Variants in CDH12 observed in about 807,000 individuals in gnomAD.
The protein encoded by CDH12 is cadherin-12.
CDH12 carries 41 observed loss-of-function variants against 74.1 expected under a neutral mutation model. That is an observed-to-expected ratio of 0.55 (90% CI 0.43 to 0.72). CDH12 has a LOEUF of 0.72. CDH12 is among the 30% of genes least tolerant of loss of function. The probability of loss-of-function intolerance (pLI) is 0.00; values close to 1 mark genes in which losing one functional copy is unlikely to be tolerated. For missense variants in CDH12, 945 were observed against 977.2 expected (o/e 0.97, Z 0.44); for synonymous variants, 399 against 355.0 (o/e 1.12, Z -1.39).
At chr5:22,377,092 A>C (rs1741561451) in intron 3 of CDH12, among the ~76,000 whole-genome samples, 1 of 152,082 alleles carries the variant, frequency 6.6e-6, no homozygotes, top group South Asian at 2.1e-4. Flanking sequence ...CTCCATGCTG[A>C]ATCATAGATA....
chr5:21,905,745 A>G (rs1200164551), intron 6 of CDH12, among the ~76,000 whole-genome samples: 1 of 64,104 alleles, frequency 1.6e-5, no homozygotes, highest in Non-Finnish European at 5.7e-5. Context: ...CTCATCAATT[A>G]CTATGTTTAA....
intron 8 of CDH12, among the ~76,000 whole-genome samples, chr5:21,823,768 A>G (rs555088478): frequency 6.6e-6 from 1 of 152,238 alleles, no homozygotes; most frequent in Admixed American, 6.5e-5. Flanking sequence ...AAAAAGAAAA[A>G]AAAATGATGT....
At chr5:22,308,301 G>A (rs972811772) in intron 3 of CDH12, among the ~76,000 whole-genome samples, 19 of 152,146 alleles carry the variant, frequency 1.2e-4, no homozygotes, top group African/African-American at 4.3e-4. Flanking sequence ...TCCATGAAGA[G>A]TATTACAGTA....
chr5:22,201,045 A>T (rs981769372), intron 4 of CDH12, among the ~76,000 whole-genome samples: 1 of 152,204 alleles, frequency 6.6e-6, no homozygotes, highest in Non-Finnish European at 1.5e-5. Context: ...AGGACAATAG[A>T]TCTAGTCAGA....
At chr5:22,253,088 G>A (rs1327111748) in intron 3 of CDH12, among the ~76,000 whole-genome samples, 3 of 151,672 alleles carry the variant, frequency 2.0e-5, no homozygotes, top group Non-Finnish European at 4.4e-5. Flanking sequence ...TGACCATACA[G>A]GAAATCTTTA....
chr5:21,815,849 G>A (rs905219195), intron 9 of CDH12, among the ~76,000 whole-genome samples: 1 of 152,066 alleles, frequency 6.6e-6, no homozygotes, highest in African/African-American at 2.4e-5. Context: ...TGGGGTTAGA[G>A]TTACTTCTCA....
intron 3 of CDH12, among the ~76,000 whole-genome samples, chr5:22,357,063 A>C (rs879869628): frequency 2.6e-5 from 4 of 152,104 alleles, no homozygotes; most frequent in Admixed American, 2.0e-4. Context: ...ATCTAGCTAG[A>C]TAGAGAGATA....
At chr5:22,366,844 T>C (rs1741054067) in intron 3 of CDH12, among the ~76,000 whole-genome samples, 1 of 152,198 alleles carries the variant, frequency 6.6e-6, no homozygotes, top group African/African-American at 2.4e-5. Context: ...ATCAGCCCTG[T>C]ACTGAGTATA....
intron 5 of CDH12, among the ~76,000 whole-genome samples, chr5:22,038,066 C>T (rs1257637141): frequency 5.3e-5 from 8 of 152,194 alleles, no homozygotes; most frequent in Admixed American, 5.2e-4. Context: ...GTCCATACCA[C>T]TGTGTTCCTC....
intron 6 of CDH12, among the ~76,000 whole-genome samples, chr5:21,868,845 G>C (rs1751469782): frequency 6.6e-6 from 1 of 151,982 alleles, no homozygotes; most frequent in Admixed American, 6.6e-5. Context: ...AAGACTTTAG[G>C]GGCTACTGGC....
intron 1 of CDH12, among the ~76,000 whole-genome samples, chr5:22,823,442 C>G (rs1749831435): frequency 6.6e-6 from 1 of 152,040 alleles, no homozygotes. Context: ...CCTGCTGCCA[C>G]TCATGTAAGA....
At chr5:22,341,743 C>T (rs1334672888) in intron 3 of CDH12, among the ~76,000 whole-genome samples, 1 of 152,188 alleles carries the variant, frequency 6.6e-6, no homozygotes, top group Non-Finnish European at 1.5e-5. Flanking sequence ...TGTATAAGAT[C>T]ATTTCACTGT....
chr5:22,385,451 C>T (rs1045181049), intron 3 of CDH12, among the ~76,000 whole-genome samples: 12 of 152,124 alleles, frequency 7.9e-5, no homozygotes, highest in African/African-American at 1.9e-4. Flanking sequence ...GGAAAACTTC[C>T]TAGAAAACTT....
chr5:21,937,864 A>G (rs995307249), intron 6 of CDH12, among the ~76,000 whole-genome samples: 3 of 152,138 alleles, frequency 2.0e-5, no homozygotes, highest in East Asian at 3.9e-4. Flanking sequence ...GACCTTCCCC[A>G]AGCATGTTTG....
chr5:21,753,092 C>T (rs759649416), intron 14 of CDH12, among the ~76,000 whole-genome samples: 4 of 152,130 alleles, frequency 2.6e-5, no homozygotes, highest in African/African-American at 4.8e-5. Flanking sequence ...ATACAAATGA[C>T]GACGTCAGTG....
At chr5:22,532,350 G>GGTATATATATATATAT (rs1737621291) in intron 1 of CDH12, among the ~76,000 whole-genome samples, 1 of 27,576 alleles carries the variant, frequency 3.6e-5, no homozygotes, top group African/African-American at 1.5e-4. Flanking sequence ...ATATAAATAG[G>GGTATATATATATATAT]ATATATATAT....
At chr5:22,516,612 T>A (rs1479031028) in intron 1 of CDH12, among the ~76,000 whole-genome samples, 2 of 151,968 alleles carry the variant, frequency 1.3e-5, no homozygotes, top group South Asian at 2.1e-4. Flanking sequence ...CTGGGCAACA[T>A]GGCGAAACCT....
intron 6 of CDH12, chr5:21,882,776 G>T: frequency 6.3e-7 from 1 of 1,591,566 alleles, no homozygotes; most frequent in Non-Finnish European, 8.6e-7. Context: ...GAAGAACAGT[G>T]ATTATTGAGC....
At chr5:22,779,602 T>C (rs10070164) in intron 1 of CDH12, among the ~76,000 whole-genome samples, 19 of 152,300 alleles carry the variant, frequency 1.2e-4, no homozygotes, top group African/African-American at 4.1e-4. Context: ...GTAGAGGTGA[T>C]TGGATCATGG....
Sources: gnomAD v4.1 joint callset for allele counts (sites outside exome capture counted in the v4.1 genomes callset) on GRCh38, gnomAD v4.1.1 for gene constraint, MANE v1.5 for transcripts, NCBI Gene and HGNC (gene_info 2026-07-23, HGNC 2026-07-21) for gene names.